The following SORCS3 variants were observed in gnomAD, a reference collection of about 807,000 sequenced individuals.
SORCS3 encodes VPS10 domain-containing receptor SorCS3.
A neutral mutation model predicts 146.3 loss-of-function variants in SORCS3; 57 were observed. The observed-to-expected ratio is 0.39, with a 90% CI of 0.31 to 0.49. The LOEUF (loss-of-function observed/expected upper bound fraction) is 0.49. Among genes scored for constraint, SORCS3 ranks in the 20% least tolerant of loss-of-function variants. The pLI, the probability that SORCS3 is intolerant of heterozygous loss-of-function variation, is 0.92. For missense variants in SORCS3, 1,341 were observed against 1,575.5 expected, an observed-to-expected ratio of 0.85 and a Z score of 2.52; for synonymous variants, 653 against 618.5, an observed-to-expected ratio of 1.06 and a Z score of -0.83.
chr10:105,179,095 A>T (rs1055037825), intron 14 of SORCS3, among the ~76,000 whole-genome samples: 2 of 152,186 alleles, frequency 1.3e-5, no homozygotes, highest in African/African-American at 4.8e-5. Context: ...GATCAGTTAT[A>T]AAAAAATTCT....
At chr10:105,067,479 AGT>A (rs1288851885) in intron 5 of SORCS3, among the ~76,000 whole-genome samples, 2 of 152,228 alleles carry the variant, frequency 1.3e-5, no homozygotes, top group African/African-American at 4.8e-5. Context: ...GTGAGTTGAG[AGT>A]GTGCCACTGC....
intron 2 of SORCS3, among the ~76,000 whole-genome samples, chr10:104,877,902 C>A (rs2018592914): frequency 6.6e-6 from 1 of 152,096 alleles, no homozygotes; most frequent in Non-Finnish European, 1.5e-5. Flanking sequence ...CTTATGAGGT[C>A]TCCTTAGGAA....
chr10:104,942,224 G>A (rs1041397463), intron 3 of SORCS3, among the ~76,000 whole-genome samples: 1 of 152,058 alleles, frequency 6.6e-6, no homozygotes, highest in Non-Finnish European at 1.5e-5. Context: ...GGAGTCAAAC[G>A]TTACCATTTC....
chr10:104,990,592 A>C (rs11192266), intron 4 of SORCS3, among the ~76,000 whole-genome samples: 1 of 152,130 alleles, frequency 6.6e-6, no homozygotes, highest in Non-Finnish European at 1.5e-5. Context: ...CCAACTCCCC[A>C]GGCTGTCCAC....
At chr10:104,989,504 T>C (rs147137643) in intron 4 of SORCS3, among the ~76,000 whole-genome samples, 1 of 152,006 alleles carries the variant, frequency 6.6e-6, no homozygotes, top group Admixed American at 6.6e-5. Context: ...AAAATAACAG[T>C]CTGGAATTTT....
chr10:104,824,200 G>C (rs1014982090), intron 1 of SORCS3, among the ~76,000 whole-genome samples: 64 of 152,146 alleles, frequency 4.2e-4, no homozygotes, highest in African/African-American at 1.2e-3. Context: ...TGTTACAACA[G>C]CAATAGAAAA....
chr10:105,194,743 A>G (rs2056535074), intron 14 of SORCS3, among the ~76,000 whole-genome samples: 1 of 152,202 alleles, frequency 6.6e-6, no homozygotes, highest in Non-Finnish European at 1.5e-5. Context: ...TAATTAGTTG[A>G]CAAAAATTTC....
intron 3 of SORCS3, among the ~76,000 whole-genome samples, chr10:104,933,948 C>T (rs995721682): frequency 6.6e-6 from 1 of 152,166 alleles, no homozygotes; most frequent in Non-Finnish European, 1.5e-5. Flanking sequence ...GCATGCACCA[C>T]CATGCCTGGC....
At chr10:104,842,889 ACC>A in intron 2 of SORCS3, 30 bp downstream of exon 2, 3 of 1,584,806 alleles carry the variant, frequency 1.9e-6, no homozygotes, top group Non-Finnish European at 2.6e-6. Context: ...TTAAGGAGCC[ACC>A]CTGGCTTGGC....
intron 2 of SORCS3, among the ~76,000 whole-genome samples, chr10:104,896,193 T>A (rs1218422252): frequency 6.6e-6 from 1 of 152,142 alleles, no homozygotes; most frequent in Admixed American, 6.5e-5. Flanking sequence ...ACTGACCAGA[T>A]GGGTTTGGTG....
At chr10:104,706,362 C>T (rs544498155) in intron 1 of SORCS3, among the ~76,000 whole-genome samples, 11 of 151,764 alleles carry the variant, frequency 7.2e-5, no homozygotes, top group Non-Finnish European at 1.2e-4. Context: ...GCGTGCACCA[C>T]CACGCCCAGG....
intron 1 of SORCS3, among the ~76,000 whole-genome samples, chr10:104,722,964 G>C (rs1332584715): frequency 1.3e-5 from 2 of 152,044 alleles, no homozygotes; most frequent in East Asian, 3.9e-4. Flanking sequence ...AGGGTTTTTT[G>C]TGTCTCTATT....
chr10:104,943,607 A>G (rs961305283), intron 3 of SORCS3, among the ~76,000 whole-genome samples: 9 of 152,228 alleles, frequency 5.9e-5, no homozygotes, highest in Admixed American at 5.9e-4. Context: ...TTTATGGTTT[A>G]TAGAATTAAT....
At chr10:105,202,610 A>G (rs1184051754) in intron 16 of SORCS3, among the ~76,000 whole-genome samples, 2 of 152,116 alleles carry the variant, frequency 1.3e-5, no homozygotes, top group Non-Finnish European at 2.9e-5. Flanking sequence ...ACTATCACCT[A>G]TCTCTCCAGT....
intron 1 of SORCS3, among the ~76,000 whole-genome samples, chr10:104,716,081 T>C (rs1448871238): frequency 6.6e-6 from 1 of 152,204 alleles, no homozygotes; most frequent in Non-Finnish European, 1.5e-5. Flanking sequence ...TCTATTCAAC[T>C]TGCTTCCTTA....
intron 1 of SORCS3, among the ~76,000 whole-genome samples, chr10:104,647,931 C>T (rs1009372938): frequency 6.6e-6 from 1 of 152,134 alleles, no homozygotes; most frequent in Non-Finnish European, 1.5e-5. Context: ...CTGAGTGTTT[C>T]CTGTGTATGT....
intron 2 of SORCS3, among the ~76,000 whole-genome samples, chr10:104,849,925 G>A (rs2018255582): frequency 6.6e-6 from 1 of 152,174 alleles, no homozygotes; most frequent in African/African-American, 2.4e-5. Context: ...GTTCTCATCT[G>A]TGTTTGGCAA....
intron 1 of SORCS3, among the ~76,000 whole-genome samples, chr10:104,644,878 T>C (rs761211261): frequency 4.6e-5 from 7 of 152,190 alleles, no homozygotes; most frequent in Non-Finnish European, 1.0e-4. Flanking sequence ...TGAACTCCAT[T>C]CTGACTGAGT....
chr10:105,121,986 A>G (rs2055936980), intron 7 of SORCS3, among the ~76,000 whole-genome samples: 1 of 152,134 alleles, frequency 6.6e-6, no homozygotes, highest in Non-Finnish European at 1.5e-5. Context: ...CTGTTGAGTC[A>G]TGACCTCACT....
Sources: gnomAD v4.1 joint callset for allele counts (sites outside exome capture counted in the v4.1 genomes callset) on GRCh38, gnomAD v4.1.1 for gene constraint, MANE v1.5 for transcripts, NCBI Gene and HGNC (gene_info 2026-07-23, HGNC 2026-07-21) for gene names.